DIAPH2: variants seen among roughly 807,000 people sequenced by gnomAD.
DIAPH2 encodes the protein protein diaphanous homolog 2.
In DIAPH2, 35 loss-of-function variants were observed where a neutral mutation model predicts 92.7. The ratio of observed to expected loss-of-function variants is 0.38; its 90% CI spans 0.29 to 0.50. DIAPH2 has a LOEUF of 0.50. DIAPH2 is among the 20% of genes least tolerant of loss of function. The pLI is 0.94. For synonymous variants in DIAPH2, 301 were observed against 280.4 expected (o/e 1.07, Z -0.73); for missense variants, 701 against 819.5 (o/e 0.86, Z 1.77).
intron 21 of DIAPH2, among the ~76,000 whole-genome samples, chrX:97,131,908 T>C (rs1196561565): frequency 2.7e-5 from 3 of 111,765 alleles, no homozygotes; most frequent in Non-Finnish European, 5.6e-5. Context: ...AATTTGCCAC[T>C]GGTCCTGGCA....
At chrX:97,231,776 A>G (rs1462811240) in intron 22 of DIAPH2, among the ~76,000 whole-genome samples, 1 of 111,130 alleles carries the variant, frequency 9.0e-6, no homozygotes, top group Non-Finnish European at 1.9e-5. Context: ...GATTTTCACC[A>G]TATGCTAATC....
intron 26 of DIAPH2, chrX:97,564,512 C>T (rs1171283355): frequency 1.8e-5 from 2 of 111,749 alleles, no homozygotes; most frequent in African/African-American, 6.5e-5. Context: ...GCTGTGTTCT[C>T]GCATAGCAGA....
At chrX:97,108,723 T>C (rs762735497) in intron 20 of DIAPH2, among the ~76,000 whole-genome samples, 11 of 112,317 alleles carry the variant, frequency 9.8e-5, no homozygotes, top group Non-Finnish European at 1.7e-4. Context: ...TTTGTAATAA[T>C]ACAATTTTAA....
chrX:97,201,350 T>C (rs1305971916), intron 22 of DIAPH2, among the ~76,000 whole-genome samples: 2 of 108,092 alleles, frequency 1.9e-5, no homozygotes, highest in South Asian at 4.3e-4. Flanking sequence ...CTGCAGAAGG[T>C]GGGCAATAAC....
At position 96,931,996 on chromosome X, in the gene DIAPH2, G is replaced by A. The variant is rs186874627; in HGVS notation, c.1089+1153G>A. Among the ~76,000 whole-genome samples the A allele has an allele frequency of 1.4e-4, 16 of 110,877 alleles. No individual in the cohort carries two copies. The East Asian group carries it at 4.2e-3, about 29-fold the overall frequency. ...AGAGATTAACTGTGCAGTTAACTTA[G>A]GCATATTCACCAATTATAGTTAGTG... On this transcript the variant is annotated intron_variant, in intron 10 of 26. Transcript: ENST00000324765.
At chrX:97,084,437 T>C (rs1400006516) in intron 19 of DIAPH2, among the ~76,000 whole-genome samples, 1 of 111,566 alleles carries the variant, frequency 9.0e-6, no homozygotes, top group Non-Finnish European at 1.9e-5. Context: ...AAACTTACAA[T>C]TGAATAGTCA....
chrX:96,950,211 T>C (rs2065765669), intron 15 of DIAPH2, among the ~76,000 whole-genome samples: 1 of 111,368 alleles, frequency 9.0e-6, no homozygotes, highest in Non-Finnish European at 1.9e-5. Context: ...TCCTCTGCTC[T>C]TTTCTTTTTT....
At chrX:97,465,839 C>A (rs981418490) in intron 26 of DIAPH2, among the ~76,000 whole-genome samples, 6 of 111,583 alleles carry the variant, frequency 5.4e-5, no homozygotes, top group African/African-American at 2.0e-4. Context: ...CAGGCATTCA[C>A]CATCACACCT....
chrX:97,153,772 A>ACT (rs2067302799), intron 22 of DIAPH2, among the ~76,000 whole-genome samples: 1 of 111,617 alleles, frequency 9.0e-6, no homozygotes, highest in African/African-American at 3.2e-5. Flanking sequence ...GTTATTTTAA[A>ACT]TGACATCTCT....
At chrX:96,847,916 T>C (rs978609823) in intron 4 of DIAPH2, among the ~76,000 whole-genome samples, 23 of 111,999 alleles carry the variant, frequency 2.1e-4, no homozygotes, top group Non-Finnish European at 3.9e-4. Flanking sequence ...TTTATCTTGT[T>C]GATATGATTC....
chrX:96,786,594 T>C (rs1002135295), intron 4 of DIAPH2, among the ~76,000 whole-genome samples: 3 of 112,112 alleles, frequency 2.7e-5, no homozygotes, highest in African/African-American at 9.7e-5. Context: ...TATAGCTGTG[T>C]TATTTACATA....
At chrX:97,101,695 A>G (rs2066906969) in intron 20 of DIAPH2, among the ~76,000 whole-genome samples, 1 of 112,540 alleles carries the variant, frequency 8.9e-6, no homozygotes, top group South Asian at 3.7e-4. Flanking sequence ...TTAGAACAAT[A>G]TCATGTATTA....
chrX:97,268,394 A>C (rs371800460), intron 23 of DIAPH2, among the ~76,000 whole-genome samples: 16 of 112,527 alleles, frequency 1.4e-4, no homozygotes, highest in African/African-American at 5.2e-4. Context: ...TATTTTTCCA[A>C]GTCCTGTCCT....
At chrX:97,036,511 A>G (rs1177118358) in intron 17 of DIAPH2, among the ~76,000 whole-genome samples, 3 of 112,342 alleles carry the variant, frequency 2.7e-5, no homozygotes, top group Non-Finnish European at 5.6e-5. Context: ...TAGGCTGTGT[A>G]TGGTGTTTAT....
At chrX:96,695,848 C>T (rs2063822484) in intron 1 of DIAPH2, among the ~76,000 whole-genome samples, 2 of 111,121 alleles carry the variant, frequency 1.8e-5, no homozygotes, top group Admixed American at 9.6e-5. Flanking sequence ...GATGTTAAAT[C>T]GATTACTGAA....
At chrX:97,394,741 T>C (rs1197225677) in intron 25 of DIAPH2, among the ~76,000 whole-genome samples, 1 of 112,181 alleles carries the variant, frequency 8.9e-6, no homozygotes, top group Non-Finnish European at 1.9e-5. Flanking sequence ...GGATAAAAGA[T>C]ATTGAGATGC....
chrX:96,722,374 G>C (rs2063994245), intron 1 of DIAPH2, among the ~76,000 whole-genome samples: 1 of 109,916 alleles, frequency 9.1e-6, no homozygotes, highest in Non-Finnish European at 1.9e-5. Context: ...AAAAAAGAGA[G>C]ACTCTCATTC....
In DIAPH2 at chrX:96,884,445, C is replaced by T. The variant is rs33970383; in HGVS notation, c.587+2727C>T. 127 of 1,208,582 alleles carry T rather than the reference C, an allele frequency of 1.1e-4. No individual in the cohort carries two copies. The African/African-American group carries it at 2.1e-3, about 20-fold the overall frequency. ...AAAGACCTAAGGTCCGAATTCAGGA[C>T]GTTGTACCGTGTAATGTGAACCAGC... On this transcript the variant is annotated intron_variant, in intron 5 of 26. Transcript: ENST00000324765.
At chrX:96,706,793 T>G (rs1195409024) in intron 1 of DIAPH2, among the ~76,000 whole-genome samples, 1 of 111,009 alleles carries the variant, frequency 9.0e-6, no homozygotes, top group Admixed American at 9.5e-5. Context: ...TAATGCAAGC[T>G]GAAAAAAAGT....
Sources: gnomAD v4.1 joint callset for allele counts (sites outside exome capture counted in the v4.1 genomes callset) on GRCh38, gnomAD v4.1.1 for gene constraint, MANE v1.5 for transcripts, NCBI Gene and HGNC (gene_info 2026-07-23, HGNC 2026-07-21) for gene names.